Variants in FANK1 observed in about 807,000 individuals in gnomAD.
FANK1 encodes fibronectin type III and ankyrin repeat domains 1.
A neutral mutation model predicts 45.3 loss-of-function variants in FANK1; 44 were observed. The observed-to-expected ratio is 0.97, with a 90% confidence interval of 0.76 to 1.25. The LOEUF (loss-of-function observed/expected upper bound fraction) is 1.25, where lower values mean the gene tolerates loss of function less well. FANK1 is among the 50% of genes most tolerant of loss of function. The pLI, the probability that FANK1 is intolerant of heterozygous loss-of-function variation, is 0.00. For missense variants in FANK1, 391 were observed against 424.4 expected, an observed-to-expected ratio of 0.92 and a Z score of 0.69; for synonymous variants, 149 against 152.5, an observed-to-expected ratio of 0.98 and a Z score of 0.17.
chr10:125,956,636 TTTAAAA>T (rs1311343278), intron 1 of FANK1, among the ~76,000 whole-genome samples: 1 of 152,162 alleles, frequency 6.6e-6, no homozygotes, highest in Non-Finnish European at 1.5e-5. Flanking sequence ...AGTTAGGCAG[TTTAAAA>T]TTAAAATTAT....
chr10:125,972,090 T>C (rs1412168476), intron 1 of FANK1: 2 of 152,226 alleles, frequency 1.3e-5, no homozygotes, highest in East Asian at 3.9e-4. Context: ...CTCAGATTGT[T>C]TATAAGGGAG....
At chr10:125,977,050 A>C (rs1462175362) in intron 1 of FANK1, among the ~76,000 whole-genome samples, 1 of 152,130 alleles carries the variant, frequency 6.6e-6, no homozygotes, top group African/African-American at 2.4e-5. Flanking sequence ...TTTGGTTTCA[A>C]CATCCTCCTG....
chr10:125,965,141 A>T (rs1442239384), intron 1 of FANK1, among the ~76,000 whole-genome samples: 1 of 152,194 alleles, frequency 6.6e-6, no homozygotes, highest in Non-Finnish European at 1.5e-5. Flanking sequence ...GGCAACAAAG[A>T]GCAAAACTCC....
chr10:125,954,197 A>G (rs989935632), intron 1 of FANK1, among the ~76,000 whole-genome samples: 1 of 147,078 alleles, frequency 6.8e-6, no homozygotes, highest in African/African-American at 2.5e-5. Context: ...TTGCGACAGG[A>G]GGGGTAATTT....
intron 3 of FANK1, 118 bp from the exon 4 acceptor site, chr10:125,995,299 C>T (rs1952240942): frequency 1.2e-6 from 1 of 850,094 alleles, no homozygotes; most frequent in Non-Finnish European, 1.9e-6. Flanking sequence ...ATATACTTAA[C>T]AGGAATAGCC....
At chr10:125,961,026 CATA>C (rs1949892216) in intron 1 of FANK1, among the ~76,000 whole-genome samples, 1 of 152,176 alleles carries the variant, frequency 6.6e-6, no homozygotes, top group African/African-American at 2.4e-5. Context: ...ATGGTACTGT[CATA>C]AAAACAGACA....
intron 1 of FANK1, among the ~76,000 whole-genome samples, chr10:125,940,062 C>T (rs1002913089): frequency 6.6e-6 from 1 of 151,914 alleles, no homozygotes; most frequent in African/African-American, 2.4e-5. Context: ...AAAACAAAAA[C>T]TTTTGGAAGA....
chr10:125,965,910 C>G (rs1231823932), intron 1 of FANK1, among the ~76,000 whole-genome samples: 1 of 152,170 alleles, frequency 6.6e-6, no homozygotes, highest in Non-Finnish European at 1.5e-5. Context: ...ATTATCACTA[C>G]CTTATGTTCG....
rs557786142 is a variant in FANK1, at chr10:125,906,588, G to C, written c.13+9933G>C. On this transcript the variant is annotated intron_variant, in intron 1 of 10. Transcript: ENST00000368693. ...GTTTTACTAGTGTTGGTTTCTATTT[G>C]ACATTAAACACTTCCCCAGGCCAGT... 2.8e-3 allele frequency among the ~76,000 whole-genome samples: 396 copies of C among 143,972 alleles called. 1 individual carries two copies. Among genetic ancestry groups the C allele is most frequent in the African/African-American group, 9.6e-3 (376 of 39,230 alleles). The allele number at this position is 143,972 out of a possible 152,430, so 94.5% of individuals were successfully genotyped here.
At chr10:125,996,702 G>T in intron 5 of FANK1, 78 bp downstream of exon 5, 1 of 1,441,202 alleles carries the variant, frequency 6.9e-7, no homozygotes, top group Non-Finnish European at 9.6e-7. Flanking sequence ...TCAGGATAAG[G>T]ATGGGAGGAA....
intron 1 of FANK1, among the ~76,000 whole-genome samples, chr10:125,900,791 A>G (rs1313297656): frequency 6.6e-6 from 1 of 152,150 alleles, no homozygotes; most frequent in Non-Finnish European, 1.5e-5. Context: ...AGCTGGGATT[A>G]CAGGTGCACG....
chr10:125,954,485 A>G (rs1476068080), intron 1 of FANK1, among the ~76,000 whole-genome samples: 1 of 152,220 alleles, frequency 6.6e-6, no homozygotes, highest in Non-Finnish European at 1.5e-5. Context: ...TGTAGTGAAA[A>G]TTAGAACATT....
chr10:126,008,438 C>T lies in FANK1; in HGVS notation c.737C>T (p.Thr246Ile), dbSNP rs1463508488. The T allele has an allele frequency of 6.2e-7, 1 of 1,612,274 alleles. No individual in the cohort carries two copies. The highest frequency in any genetic ancestry group is 2.2e-5 in the East Asian group (1 of 44,714). The part of the protein sequence containing the change: ...VDVVDTGSGW[T>I]PLMRVSAVSG... ...GTCGTGGACACTGGTTCAGGATGGACCCCACTCATGAGAGTCTCTGCGGTG... is the reference window on the plus strand; with the variant it reads ...GTCGTGGACACTGGTTCAGGATGGATCCCACTCATGAGAGTCTCTGCGGTG... The change falls in exon 8 of 11, where the codon ACC becomes ATC. Residue 246 changes from threonine to isoleucine, a missense_variant. Coordinates refer to ENST00000368693, the MANE Select transcript of FANK1 (RefSeq NM_145235.5).
At chr10:125,908,542 C>T (rs1197799873) in intron 1 of FANK1, among the ~76,000 whole-genome samples, 1 of 151,776 alleles carries the variant, frequency 6.6e-6, no homozygotes, top group Non-Finnish European at 1.5e-5. Context: ...TAGGTGGGAG[C>T]AAAGCTATGA....
At position 125,995,413 on chromosome 10, in the gene FANK1, C is replaced by G; in HGVS notation, c.317-4C>G. 1.2e-6 allele frequency: 2 copies of G among 1,614,032 alleles called. No homozygotes were observed. Among genetic ancestry groups the G allele is most frequent in the Non-Finnish European group, 1.7e-6 (2 of 1,179,914 alleles). The stretch of plus-strand genomic sequence containing the variant: ...GATGACTGCCTTCCATCTCATTTCT[C>G]CAGGAGAGCCCATAAGTAGTGAGCA... On this transcript the variant is annotated splice_polypyrimidine_tract_variant and splice_region_variant and intron_variant, in intron 3 of 10. Coordinates refer to ENST00000368693, the MANE Select transcript of FANK1 (RefSeq NM_145235.5).
intron 1 of FANK1, among the ~76,000 whole-genome samples, chr10:125,945,490 A>C (rs1948725096): frequency 6.6e-6 from 1 of 152,216 alleles, no homozygotes. Context: ...AAGGGGTGAC[A>C]GACGCACCTG....
intron 1 of FANK1, among the ~76,000 whole-genome samples, chr10:125,918,059 G>A (rs1157657776): frequency 2.0e-5 from 3 of 151,606 alleles, no homozygotes; most frequent in Non-Finnish European, 2.9e-5. Context: ...CAACCTGGGC[G>A]ACAGAGTGAG....
intron 1 of FANK1, among the ~76,000 whole-genome samples, chr10:125,913,500 G>T (rs1160522970): frequency 6.6e-6 from 1 of 152,194 alleles, no homozygotes; most frequent in Non-Finnish European, 1.5e-5. Flanking sequence ...GATAACTTCA[G>T]TGTGACTCAG....
At chr10:125,959,594 C>T (rs1036506710) in intron 1 of FANK1, among the ~76,000 whole-genome samples, 1 of 152,004 alleles carries the variant, frequency 6.6e-6, no homozygotes, top group Admixed American at 6.6e-5. Context: ...AAACAGCTCC[C>T]GTGTTAAGTG....
Sources: allele counts gnomAD v4.1 joint callset (sites outside exome capture counted in the v4.1 genomes callset), GRCh38; gene constraint gnomAD v4.1.1; transcripts MANE v1.5; gene names NCBI Gene and HGNC (gene_info 2026-07-23, HGNC 2026-07-21).